Variants in RELA observed in about 807,000 individuals in gnomAD.
The protein encoded by RELA is transcription factor p65.
A neutral mutation model predicts 56.7 loss-of-function variants in RELA; 14 were observed. The observed-to-expected ratio is 0.25, with a 90% CI of 0.16 to 0.39. The LOEUF is 0.39. Among genes scored for constraint, RELA ranks in the 10% least tolerant of loss-of-function variants. The probability of loss-of-function intolerance (pLI) is 1.00; values close to 1 mark genes in which losing one functional copy is unlikely to be tolerated. For synonymous variants in RELA, 315 were observed against 289.7 expected (o/e 1.09, Z -0.89); for missense variants, 559 against 736.4 (o/e 0.76, Z 2.79).
At chr11:65,663,107 C>G (rs1349995596), upstream of RELA, 1 of 237,208 alleles carries the variant, frequency 4.2e-6, no homozygotes, top group Non-Finnish European at 8.0e-6. Flanking sequence ...CTGGCGTGCC[C>G]GGTGGCTCGG....
At chr11:65,656,599 C>T (rs1288569161) in intron 8 of RELA, among the ~76,000 whole-genome samples, 1 of 152,198 alleles carries the variant, frequency 6.6e-6, no homozygotes, top group African/African-American at 2.4e-5. Context: ...ATATATTTAT[C>T]AAGCACCTAC....
rs1477765782 is a variant in RELA at position 65,654,709 on chromosome 11, T to G, written c.1325A>C (p.Gln442Pro). 15 of 1,540,008 alleles carry G rather than the reference T, an allele frequency of 9.7e-6. No individual in the cohort carries two copies. Among genetic ancestry groups the G allele is most frequent in the Non-Finnish European group, 1.1e-5 (13 of 1,144,932 alleles). Residue 442 changes from glutamine to proline, a missense_variant, in exon 11 of 11, where the codon CAG (glutamine) becomes CCG (proline). By Grantham distance (76) the Gln-to-Pro change is moderately conservative (BLOSUM62 -1). Transcript: ENST00000406246. ...GEGTLSEALL[Q>P]LQFDDEDLGA... Reference sequence around the variant, plus strand: ...CAGGTCTTCATCATCAAACTGCAGCTGCAGCAGGGCCTCTGACAGCGTTCC... The same window carrying G: ...CAGGTCTTCATCATCAAACTGCAGCGGCAGCAGGGCCTCTGACAGCGTTCC...
Position 65,655,777 on chromosome 11 carries a change from C to G in RELA, c.959-15G>C. ...GTCGGTGGGTCCTGTAGGGCAAGGG[C>G]TAGGTCAGTTCTCAGCCCCAGGGTG... On this transcript the variant is annotated splice_polypyrimidine_tract_variant and intron_variant, in intron 9 of 10. Transcript: ENST00000406246. 2.5e-6 allele frequency: 4 copies of G among 1,613,976 alleles called. No homozygotes were observed. Among genetic ancestry groups the G allele is most frequent in the Non-Finnish European group, 3.4e-6 (4 of 1,179,914 alleles).
At chr11:65,661,237 G>A (rs1422098019) in intron 4 of RELA, among the ~76,000 whole-genome samples, 1 of 151,914 alleles carries the variant, frequency 6.6e-6, no homozygotes, top group Non-Finnish European at 1.5e-5. Context: ...ATGTTGCCTT[G>A]GCTAGTCTTG....
chr11:65,660,275 G>C (rs933567436), intron 4 of RELA, 60 bp from the exon 5 acceptor site: 18 of 1,508,296 alleles, frequency 1.2e-5, no homozygotes, highest in Non-Finnish European at 1.6e-5. Flanking sequence ...TTCCTGCCTT[G>C]CCCAGCCTGC....
At chr11:65,661,505 C>G (rs540201380) in intron 4 of RELA, 182 bp downstream of exon 4, 1 of 563,250 alleles carries the variant, frequency 1.8e-6, no homozygotes, top group South Asian at 2.7e-5. Flanking sequence ...TGGAACTCAT[C>G]TGCTAGAGTA....
rs764902526 is a variant in RELA at position 65,662,159 on chromosome 11, C to A, written c.34+20G>T. 1 of 1,588,248 alleles carries A rather than the reference C, an allele frequency of 6.3e-7. No homozygotes were observed. The highest frequency in any genetic ancestry group is 1.7e-4 in the Middle Eastern group (1 of 5,746). On this transcript the variant is annotated intron_variant, in intron 2 of 10. Transcript: ENST00000406246. ...CCTACCCCAGGGAGCACCTCCCCGACCGCCGCGGGGGCCACTTACCTGCCG... is the reference window on the plus strand; with the variant it reads ...CCTACCCCAGGGAGCACCTCCCCGAACGCCGCGGGGGCCACTTACCTGCCG...
rs1187568237 is a variant in RELA, at chr11:65,658,520, G to A, written c.665-21C>T. On this transcript the variant is annotated intron_variant, in intron 7 of 10. Coordinates refer to ENST00000406246, the MANE Select transcript of RELA (RefSeq NM_021975.4). This position sits in a 1 kb window ranked among gnomAD's most constrained non-coding sequence, Gnocchi z 4.5. ...GTCCTCTGCAGGAGATGCGGTGGCA[G>A]TGTGGGTCAGTGTGTCTAACCCTCC... The A allele has an allele frequency of 6.4e-7, 1 of 1,558,886 alleles. No homozygotes were observed. The highest frequency in any genetic ancestry group is 1.4e-5 in the African/African-American group (1 of 73,868).
chr11:65,661,309 GA>G (rs1856560188), intron 4 of RELA: 2 of 178,494 alleles, frequency 1.1e-5, no homozygotes, highest in Admixed American at 1.2e-4. Context: ...TTATAAGCAT[GA>G]GCCACTATGC....
Position 65,662,880 on chromosome 11 carries a change from G to A in RELA, c.-48C>T, listed in dbSNP as rs531722523. 1.0e-5 allele frequency: 12 copies of A among 1,182,836 alleles called. No homozygotes were observed. Among genetic ancestry groups the A allele is most frequent in the African/African-American group, 1.6e-5 (1 of 62,510 alleles). 73.3% of individuals were successfully genotyped at this position (1,182,836 alleles called of 1,614,324 possible). The stretch of plus-strand genomic sequence containing the variant: ...CCGGGGTCGCAGCTGGGCCCGCGGC[G>A]TGCACTACAGACGAGCCATTCGCCA... On this transcript the variant is annotated 5_prime_UTR_variant, in exon 1 of 11. In the 5' UTR this introduces an upstream ATG that the reference lacks. Transcript: ENST00000406246.
intron 4 of RELA, 116 bp downstream of exon 4, chr11:65,661,571 G>A: frequency 1.0e-6 from 1 of 959,180 alleles, no homozygotes; most frequent in Non-Finnish European, 1.6e-6. Context: ...AGCTGAGTCA[G>A]GGCAAGGAGT....
intron 6 of RELA, among the ~76,000 whole-genome samples, chr11:65,659,074 T>C (rs1046629588): frequency 6.6e-6 from 1 of 152,166 alleles, no homozygotes; most frequent in African/African-American, 2.4e-5. Context: ...ACCTCTCTGC[T>C]CTCCCGGAGC....
At chr11:65,659,393 A>C (rs1856507312) in intron 6 of RELA, among the ~76,000 whole-genome samples, 1 of 152,138 alleles carries the variant, frequency 6.6e-6, no homozygotes, top group South Asian at 2.1e-4. Flanking sequence ...TTGTGGGCAC[A>C]CCACCTTCTC....
rs201815605 is a variant in RELA at position 65,660,231 on chromosome 11, C to T, written c.336-16G>A. ...GTTCTGGAAACTGAGCGCCCCCAGT[C>T]GTCTGTCCCACTGTCTCTCACAGAG... On this transcript the variant is annotated splice_polypyrimidine_tract_variant and intron_variant, in intron 4 of 10. Transcript: ENST00000406246. 25 of 1,613,136 alleles carry T rather than the reference C, an allele frequency of 1.5e-5. No homozygotes were observed. The highest frequency in any genetic ancestry group is 4.5e-5 in the East Asian group (2 of 44,894).
At position 65,661,982 on chromosome 11, in the gene RELA, T is replaced by C. The variant is rs763062179; in HGVS notation, c.141A>G (p.Pro47=). The C allele has an allele frequency of 6.2e-7, 1 of 1,613,944 alleles. No homozygotes were observed. The highest frequency in any genetic ancestry group is 1.7e-5 in the Admixed American group (1 of 60,012). ...TGGTGGTATCTGTGCTCCTCTCGCCTGGGATGCTGCCCGCGGAGCGCCCCT... is the reference window on the plus strand; with the variant it reads ...TGGTGGTATCTGTGCTCCTCTCGCCCGGGATGCTGCCCGCGGAGCGCCCCT... ...KCEGRSAGSI[P]GERSTDTTKT... is the part of the protein sequence containing the mutation. Residue 47 remains proline, a synonymous_variant, in exon 3 of 11, where the codon CCA becomes CCG. Coordinates refer to ENST00000406246, the MANE Select transcript of RELA (RefSeq NM_021975.4).
intron 4 of RELA, chr11:65,660,440 C>T (rs894328059): frequency 1.7e-6 from 1 of 585,260 alleles, no homozygotes; most frequent in Non-Finnish European, 3.0e-6. Flanking sequence ...TCCCTGCTTA[C>T]AGCCACCGGG....
At chr11:65,659,542 G>A in intron 6 of RELA, 124 bp downstream of exon 6, 1 of 1,258,594 alleles carries the variant, frequency 7.9e-7, no homozygotes, top group Non-Finnish European at 1.1e-6. Flanking sequence ...GCAGAGAAGA[G>A]TAGACAAATA....
Position 65,658,742 on chromosome 11 carries a change from G to A in RELA, c.640C>T (p.Leu214=), listed in dbSNP as rs757072487. 4.3e-6 allele frequency: 7 copies of A among 1,614,004 alleles called. No individual in the cohort carries two copies. The African/African-American group carries it at 8.0e-5, about 18-fold the overall frequency. The change falls in exon 7 of 11, where the codon CTA becomes TTA. Residue 214 remains leucine (L), a synonymous_variant. Coordinates refer to ENST00000406246, the MANE Select transcript of RELA (RefSeq NM_021975.4). The surrounding 1 kb of genome is among the most constrained non-coding windows in gnomAD (Gnocchi z 4.5). ...CCTTTCTGCACCTTGTCACACAGTAGGAAGATCTCATCCCCACCGAGGCAG... is the reference window on the plus strand; with the variant it reads ...CCTTTCTGCACCTTGTCACACAGTAAGAAGATCTCATCCCCACCGAGGCAG... ...GSCLGGDEIF[L]LCDKVQKEDI...
rs201763729 is a variant in RELA, at chr11:65,659,814, C to T, written c.428-17G>A. 43 of 1,603,288 alleles carry T rather than the reference C, an allele frequency of 2.7e-5. No individual in the cohort carries two copies. The highest frequency in any genetic ancestry group is 1.4e-4 in the Admixed American group (8 of 58,798). ...CTATAGGAACTGCCAAGAAAACAGG[C>T]GATCAGGAGAGCAGGGGAAGTGGGG... On this transcript the variant is annotated splice_polypyrimidine_tract_variant and intron_variant, in intron 5 of 10. Transcript: ENST00000406246.
Sources: allele counts gnomAD v4.1 joint callset (sites outside exome capture counted in the v4.1 genomes callset), GRCh38; gene constraint gnomAD v4.1.1; non-coding constraint Gnocchi (gnomAD v3.1); transcripts MANE v1.5; gene names NCBI Gene and HGNC (gene_info 2026-07-23, HGNC 2026-07-21).